The following HTR7 variants were observed in gnomAD, a reference collection of about 807,000 sequenced individuals.
The protein encoded by HTR7 is 5-hydroxytryptamine receptor 7.
In HTR7, 16 loss-of-function variants were observed where a neutral mutation model predicts 34.0. The observed-to-expected ratio is 0.47, with a 90% CI of 0.32 to 0.71. The LOEUF (loss-of-function observed/expected upper bound fraction) is 0.71, where lower values mean the gene tolerates loss of function less well. Among genes scored for constraint, HTR7 ranks in the 30% least tolerant of loss-of-function variants. HTR7 has a pLI of 0.04. For synonymous variants in HTR7, 265 were observed against 260.2 expected (o/e 1.02, Z -0.18); for missense variants, 504 against 625.5 (o/e 0.81, Z 2.07).
chr10:90,795,840 G>A (rs989738202), intron 1 of HTR7, among the ~76,000 whole-genome samples: 1 of 152,200 alleles, frequency 6.6e-6, no homozygotes, highest in African/African-American at 2.4e-5. Flanking sequence ...GCAGGGATCT[G>A]TGGGGGTTGA....
At chr10:90,826,808 G>A (rs1038016690) in intron 1 of HTR7, among the ~76,000 whole-genome samples, 2 of 151,884 alleles carry the variant, frequency 1.3e-5, no homozygotes, top group African/African-American at 2.4e-5. Flanking sequence ...GTGGTGGCGG[G>A]TGCCTGTGGT....
At chr10:90,813,292 C>G (rs1286974031) in intron 1 of HTR7, among the ~76,000 whole-genome samples, 1 of 152,102 alleles carries the variant, frequency 6.6e-6, no homozygotes. Flanking sequence ...GAGGCCGAGG[C>G]GGGCCGATCA....
intron 1 of HTR7, among the ~76,000 whole-genome samples, chr10:90,849,950 C>T (rs1217053531): frequency 6.6e-6 from 1 of 152,204 alleles, no homozygotes; most frequent in Admixed American, 6.5e-5. Context: ...CAATATTGTG[C>T]AGCTGCTCTT....
chr10:90,750,987 G>A (rs1290486750), intron 1 of HTR7, among the ~76,000 whole-genome samples: 1 of 152,112 alleles, frequency 6.6e-6, no homozygotes, highest in African/African-American at 2.4e-5. Context: ...CAGGCAAATG[G>A]GGAAATCATG....
At chr10:90,814,482 T>A (rs4933195) in intron 1 of HTR7, among the ~76,000 whole-genome samples, 41,977 of 152,032 alleles carry the variant, frequency 0.28, 6,331 homozygotes, top group African/African-American at 0.4. Flanking sequence ...ATGCTAATAA[T>A]ACATTAAAGT....
chr10:90,812,976 C>A (rs979847295), intron 1 of HTR7, among the ~76,000 whole-genome samples: 9 of 152,158 alleles, frequency 5.9e-5, no homozygotes, highest in African/African-American at 2.2e-4. Context: ...CCTGTTCCTG[C>A]CTTAACTGAT....
At chr10:90,848,180 T>C (rs1225584660) in intron 1 of HTR7, among the ~76,000 whole-genome samples, 5 of 150,344 alleles carry the variant, frequency 3.3e-5, no homozygotes, top group African/African-American at 1.2e-4. Context: ...GCGATTCTCC[T>C]GCCTCCCGAG....
intron 1 of HTR7, among the ~76,000 whole-genome samples, chr10:90,825,331 G>C (rs781769337): frequency 6.6e-6 from 1 of 152,136 alleles, no homozygotes; most frequent in African/African-American, 2.4e-5. Flanking sequence ...CAAAAACTTA[G>C]ATCACAACAT....
At chr10:90,756,796 C>G (rs1244800793) in intron 1 of HTR7, among the ~76,000 whole-genome samples, 1 of 151,810 alleles carries the variant, frequency 6.6e-6, no homozygotes. Context: ...TAACTAATTA[C>G]CACACTTTAG....
In HTR7 at chr10:90,753,185, A is replaced by G. The variant is rs558923618; in HGVS notation, c.540-3591T>C. ...CTTCAGAGTTTGTAAAAGAAAAAAC[A>G]AAAAGCCAACCATCCCAATAAAAAT... is the stretch of plus-strand genomic sequence containing the variant. On this transcript the variant is annotated intron_variant, in intron 1 of 3. Transcript: ENST00000336152. 2.4e-3 allele frequency among the ~76,000 whole-genome samples: 372 copies of G among 152,282 alleles called. 3 individuals carry two copies. Among genetic ancestry groups the G allele is most frequent in the Non-Finnish European group, 3.5e-3 (240 of 68,012 alleles).
At chr10:90,761,630 ATGCG>A (rs1197742308) in intron 1 of HTR7, among the ~76,000 whole-genome samples, 12 of 105,148 alleles carry the variant, frequency 1.1e-4, no homozygotes, top group African/African-American at 6.1e-4. Context: ...TTTTGTGTGT[ATGCG>A]TGTGTGTGTG....
At chr10:90,843,158 CCCT>C (rs1428500215) in intron 1 of HTR7, among the ~76,000 whole-genome samples, 2 of 151,962 alleles carry the variant, frequency 1.3e-5, no homozygotes, top group African/African-American at 2.4e-5. Context: ...CTACTTCCTT[CCCT>C]CCTTTTTTTT....
At chr10:90,832,170 C>T (rs191319891) in intron 1 of HTR7, among the ~76,000 whole-genome samples, 328 of 152,306 alleles carry the variant, frequency 2.2e-3, no homozygotes, top group African/African-American at 7.0e-3. Flanking sequence ...CCACGCCATG[C>T]GGGTGCACTC....
intron 2 of HTR7, chr10:90,743,989 G>A (rs1229100924): frequency 3.7e-6 from 2 of 546,666 alleles, no homozygotes; most frequent in Admixed American, 2.3e-5. Context: ...ATATTTGGGA[G>A]TAGGAACAGT....
intron 1 of HTR7, among the ~76,000 whole-genome samples, chr10:90,761,276 C>A (rs1350274557): frequency 6.6e-6 from 1 of 152,162 alleles, no homozygotes; most frequent in Admixed American, 6.5e-5. Flanking sequence ...ATAATGAGCA[C>A]AGACAGTTTT....
chr10:90,807,961 A>G (rs112081741), intron 1 of HTR7, among the ~76,000 whole-genome samples: 41,962 of 151,876 alleles, frequency 0.28, 6,336 homozygotes, highest in African/African-American at 0.4. Context: ...CCACTCTTCA[A>G]TCTCTCCCTT....
chr10:90,798,134 C>A (rs1012235856), intron 1 of HTR7, among the ~76,000 whole-genome samples: 2 of 152,068 alleles, frequency 1.3e-5, no homozygotes, highest in African/African-American at 4.8e-5. Context: ...ACATTCAAAC[C>A]ACAGCATATG....
At position 90,779,228 on chromosome 10, in the gene HTR7, G is replaced by A. The variant is rs77238714; in HGVS notation, c.540-29634C>T. Among the ~76,000 whole-genome samples, 283 of 152,256 alleles carry A rather than the reference G, an allele frequency of 1.9e-3. 2 individuals are homozygous for A. The highest frequency in any genetic ancestry group is 6.5e-3 in the African/African-American group (270 of 41,528). ...TCCAGTTTGTCCTTCTCCCCCTTTGGAGCAGAGAATGTTAGAACAGAGGAA... is the reference window on the plus strand; with the variant it reads ...TCCAGTTTGTCCTTCTCCCCCTTTGAAGCAGAGAATGTTAGAACAGAGGAA... On this transcript the variant is annotated intron_variant, in intron 1 of 3. Coordinates refer to ENST00000336152, the MANE Select transcript of HTR7 (RefSeq NM_019859.4).
chr10:90,847,752 C>T (rs1564702328), intron 1 of HTR7, among the ~76,000 whole-genome samples: 1 of 152,196 alleles, frequency 6.6e-6, no homozygotes, highest in Non-Finnish European at 1.5e-5. Context: ...TGCCCTCATA[C>T]ACAAAGCTAA....
Sources: allele counts gnomAD v4.1 joint callset (sites outside exome capture counted in the v4.1 genomes callset), GRCh38; gene constraint gnomAD v4.1.1; transcripts MANE v1.5; gene names NCBI Gene and HGNC (gene_info 2026-07-23, HGNC 2026-07-21).